The following TRABD2B variants were observed in gnomAD, a reference collection of about 807,000 sequenced individuals.
TRABD2B encodes the protein metalloprotease TIKI2.
Under a neutral mutation model 40.1 loss-of-function variants are expected in TRABD2B, and 14 were observed. That is an observed-to-expected ratio of 0.35 (90% CI 0.23 to 0.55). TRABD2B has a LOEUF of 0.55. Among genes scored for constraint, TRABD2B ranks in the 20% least tolerant of loss-of-function variants. The pLI, the probability that TRABD2B is intolerant of heterozygous loss-of-function variation, is 0.90. For missense variants in TRABD2B, 541 were observed against 648.6 expected (o/e 0.83, Z 1.80); for synonymous variants, 263 against 277.0 (o/e 0.95, Z 0.50).
chr1:47,848,174 C>T (rs923790905), intron 2 of TRABD2B, among the ~76,000 whole-genome samples: 1 of 152,172 alleles, frequency 6.6e-6, no homozygotes, highest in African/African-American at 2.4e-5. Context: ...TCTATGAGGG[C>T]CAAACCCAAA....
At chr1:47,781,582 A>G (rs1474666491) in intron 4 of TRABD2B, among the ~76,000 whole-genome samples, 1 of 152,182 alleles carries the variant, frequency 6.6e-6, no homozygotes, top group African/African-American at 2.4e-5. Flanking sequence ...GTAAGACCCA[A>G]AACAGAAGAC....
chr1:47,856,324 T>C (rs1643889375), intron 2 of TRABD2B, among the ~76,000 whole-genome samples: 3 of 152,214 alleles, frequency 2.0e-5, no homozygotes, highest in African/African-American at 7.2e-5. Flanking sequence ...GTCCTACTGC[T>C]GCCATGGTGC....
chr1:47,968,748 AC>A (rs1645639008), intron 2 of TRABD2B, among the ~76,000 whole-genome samples: 1 of 152,082 alleles, frequency 6.6e-6, no homozygotes, highest in Non-Finnish European at 1.5e-5. Context: ...TCCTATTTCC[AC>A]AGCACACATT....
At chr1:47,870,396 C>T (rs1029654904) in intron 2 of TRABD2B, among the ~76,000 whole-genome samples, 2 of 152,132 alleles carry the variant, frequency 1.3e-5, no homozygotes, top group Non-Finnish European at 2.9e-5. Flanking sequence ...TGAAGCACTT[C>T]CACAACTAGC....
rs531379923 is a variant in TRABD2B, at chr1:47,859,994, G to A, written c.667-58375C>T. On this transcript the variant is annotated intron_variant, in intron 2 of 6. Transcript: ENST00000606738. ...TGCCCAGGGTCACCCAACTGGAGAT[G>A]CAGTGGAACCAGGGTGTGAATCTGC... 3.9e-5 allele frequency among the ~76,000 whole-genome samples: 6 copies of A among 152,274 alleles called. No homozygotes were observed. The East Asian group carries it at 9.7e-4, about 25-fold the overall frequency.
chr1:47,969,754 C>A (rs962890237), intron 2 of TRABD2B, among the ~76,000 whole-genome samples: 3 of 152,188 alleles, frequency 2.0e-5, no homozygotes, highest in Non-Finnish European at 4.4e-5. Context: ...GATTCACAAA[C>A]CTAGTGTCCC....
chr1:47,865,217 G>T (rs1644037961), intron 2 of TRABD2B, among the ~76,000 whole-genome samples: 2 of 152,054 alleles, frequency 1.3e-5, no homozygotes, highest in Admixed American at 1.3e-4. Flanking sequence ...ATCACAGTAG[G>T]GCCCAGGCCT....
At chr1:47,802,526 C>T (rs1446401749) in intron 2 of TRABD2B, among the ~76,000 whole-genome samples, 5 of 152,138 alleles carry the variant, frequency 3.3e-5, no homozygotes, top group Non-Finnish European at 7.4e-5. Context: ...GGAGGCTGAT[C>T]ATTATTTGGG....
intron 2 of TRABD2B, among the ~76,000 whole-genome samples, chr1:47,919,258 A>G (rs1644869296): frequency 6.6e-6 from 1 of 152,232 alleles, no homozygotes; most frequent in Non-Finnish European, 1.5e-5. Flanking sequence ...AATAAAAGAG[A>G]GTGAATGGAG....
At chr1:47,978,429 T>A (rs1645791596) in intron 2 of TRABD2B, among the ~76,000 whole-genome samples, 1 of 144,966 alleles carries the variant, frequency 6.9e-6, no homozygotes, top group Middle Eastern at 3.2e-3. Flanking sequence ...CAAGGAGCGA[T>A]GATGGGGCAG....
intron 2 of TRABD2B, among the ~76,000 whole-genome samples, chr1:47,807,084 G>A (rs1224355363): frequency 1.3e-5 from 2 of 152,130 alleles, no homozygotes; most frequent in Admixed American, 6.5e-5. Context: ...CTGCTAGAGG[G>A]GTAAAGTGAG....
intron 2 of TRABD2B, among the ~76,000 whole-genome samples, chr1:47,883,593 T>C (rs1251727814): frequency 6.6e-6 from 1 of 152,196 alleles, no homozygotes; most frequent in African/African-American, 2.4e-5. Flanking sequence ...CCTGAAGCCT[T>C]CAGCTGTGTC....
intron 2 of TRABD2B, among the ~76,000 whole-genome samples, chr1:47,969,661 C>T (rs1046804026): frequency 3.3e-5 from 5 of 152,178 alleles, no homozygotes; most frequent in Admixed American, 6.5e-5. Context: ...TATAAATGAT[C>T]GAAGGCGTAG....
At chr1:47,788,039 C>A (rs1014594282) in intron 4 of TRABD2B, among the ~76,000 whole-genome samples, 1 of 152,140 alleles carries the variant, frequency 6.6e-6, no homozygotes. Context: ...GACAATGTGA[C>A]CACCATTTCA....
chr1:47,990,784 TA>T (rs1261206504), intron 2 of TRABD2B, among the ~76,000 whole-genome samples: 1 of 9,102 alleles, frequency 1.1e-4, no homozygotes, highest in African/African-American at 5.6e-4. Flanking sequence ...TATATATATA[TA>T]TATATATATA....
intron 6 of TRABD2B, among the ~76,000 whole-genome samples, chr1:47,771,234 C>G (rs1644374114): frequency 6.6e-6 from 1 of 152,114 alleles, no homozygotes; most frequent in Non-Finnish European, 1.5e-5. Context: ...CGTCTCTTCC[C>G]CTCTTTGAGA....
intron 2 of TRABD2B, among the ~76,000 whole-genome samples, chr1:47,977,432 A>T (rs1376873957): frequency 1.3e-5 from 2 of 152,130 alleles, no homozygotes; most frequent in African/African-American, 4.8e-5. Context: ...GGGCTGAAGG[A>T]GAGTGGGACA....
At chr1:47,771,731 C>G (rs1305503528) in intron 6 of TRABD2B, among the ~76,000 whole-genome samples, 1 of 152,218 alleles carries the variant, frequency 6.6e-6, no homozygotes, top group Admixed American at 6.5e-5. Flanking sequence ...GAATATTCTG[C>G]CACTGCACAG....
intron 3 of TRABD2B, among the ~76,000 whole-genome samples, chr1:47,800,781 C>A (rs140063507): frequency 6.6e-6 from 1 of 152,010 alleles, no homozygotes; most frequent in Non-Finnish European, 1.5e-5. Flanking sequence ...GTGGGAGGAA[C>A]CCTGGAGGAG....
Sources: gnomAD v4.1 joint callset for allele counts (sites outside exome capture counted in the v4.1 genomes callset) on GRCh38, gnomAD v4.1.1 for gene constraint, MANE v1.5 for transcripts, NCBI Gene and HGNC (gene_info 2026-07-23, HGNC 2026-07-21) for gene names.